C8orf89: variants seen among roughly 807,000 people sequenced by gnomAD.
C8orf89 encodes the protein putative uncharacterized protein C8orf89.
C8orf89 carries 14 observed loss-of-function variants against 15.8 expected under a neutral mutation model. That is an observed-to-expected ratio of 0.89 (90% CI 0.59 to 1.39). The LOEUF (loss-of-function observed/expected upper bound fraction) is 1.39, where lower values mean the gene tolerates loss of function less well. Ranked by LOEUF, C8orf89 falls within the 40% of genes most tolerant of loss-of-function variation. The pLI is 0.00. For missense variants in C8orf89, 181 were observed against 184.5 expected (o/e 0.98, Z 0.11); for synonymous variants, 55 against 62.2 (o/e 0.88, Z 0.54).
chr8:73,259,286 C>T (rs746140069), intron 1 of C8orf89, 46 bp downstream of exon 1: 23 of 1,237,614 alleles, frequency 1.9e-5, no homozygotes, highest in Middle Eastern at 2.5e-4. Flanking sequence ...AAATTCAAGG[C>T]ACTATTTCTA....
chr8:73,258,869 G>A (rs140966072), intron 1 of C8orf89, among the ~76,000 whole-genome samples: 19 of 152,134 alleles, frequency 1.2e-4, no homozygotes, highest in African/African-American at 4.3e-4. Context: ...GGGCTCAAGC[G>A]ATCCACCTGC....
chr8:73,263,885 T>TA, upstream of C8orf89, among the ~76,000 whole-genome samples: 1 of 152,338 alleles, frequency 6.6e-6, no homozygotes, highest in Non-Finnish European at 1.5e-5. Context: ...CCATTGTTCC[T>TA]AGGGGGACTT....
intron 3 of C8orf89, among the ~76,000 whole-genome samples, chr8:73,246,767 A>G (rs1481067197): frequency 6.6e-6 from 1 of 152,180 alleles, no homozygotes; most frequent in Non-Finnish European, 1.5e-5. Context: ...AAATTAAGAG[A>G]GAGAAAACAT....
the C8orf89 span, among the ~76,000 whole-genome samples, chr8:73,271,235 G>A: frequency 6.6e-6 from 1 of 152,216 alleles, no homozygotes; most frequent in African/African-American, 2.4e-5. Context: ...AATATGGTTT[G>A]TTTCCTCCCC....
the C8orf89 span, among the ~76,000 whole-genome samples, chr8:73,274,804 T>G: frequency 6.6e-6 from 1 of 152,340 alleles, no homozygotes; most frequent in Non-Finnish European, 1.5e-5. Context: ...ACACATATCT[T>G]CTGCAACTTT....
the C8orf89 span, among the ~76,000 whole-genome samples, chr8:73,272,658 A>T: frequency 2.0e-5 from 3 of 151,720 alleles, no homozygotes; most frequent in Non-Finnish European, 2.9e-5. Flanking sequence ...CCTGTGTCCA[A>T]GTGTTCTCAT....
chr8:73,243,255 G>C (rs1311286612), intron 3 of C8orf89, among the ~76,000 whole-genome samples: 3 of 151,942 alleles, frequency 2.0e-5, no homozygotes, highest in Non-Finnish European at 4.4e-5. Context: ...AGCACAACAG[G>C]GCAATTATAG....
At position 73,247,191 on chromosome 8, in the gene C8orf89, C is replaced by T. The variant is rs114656989; in HGVS notation, c.337+3077G>A. ...TATTTTTCCTGATCCTTTCCCACCT[C>T]CCACCCTCCACACCCTCCTGCATTA... On this transcript the variant is annotated intron_variant, in intron 3 of 3. Transcript: ENST00000624510. 6.2e-3 allele frequency among the ~76,000 whole-genome samples: 937 copies of T among 150,330 alleles called. 9 individuals carry two copies. The highest frequency in any genetic ancestry group is 0.022 in the African/African-American group (903 of 41,188).
At chr8:73,272,464 T>A in the C8orf89 span, among the ~76,000 whole-genome samples, 2 of 151,972 alleles carry the variant, frequency 1.3e-5, no homozygotes, top group South Asian at 4.2e-4. Context: ...ATATATATAT[T>A]TTTATTATAC....
At position 73,251,604 on chromosome 8, in the gene C8orf89, T is replaced by A. The variant is rs539222754; in HGVS notation, c.282-1281A>T. 1.4e-4 allele frequency among the ~76,000 whole-genome samples: 21 copies of A among 152,258 alleles called. No individual in the cohort carries two copies. The South Asian group carries it at 4.1e-3, about 30-fold the overall frequency. ...TTCATTGACCTAAGTAAATTCACACTCAAATCAATGTAAAATGTTTAGAAA... is the reference window on the plus strand; with the variant it reads ...TTCATTGACCTAAGTAAATTCACACACAAATCAATGTAAAATGTTTAGAAA... On this transcript the variant is annotated intron_variant, in intron 2 of 3. Coordinates refer to ENST00000624510, the MANE Select transcript of C8orf89 (RefSeq NM_001243237.3).
intron 3 of C8orf89, among the ~76,000 whole-genome samples, chr8:73,247,547 A>C (rs1413956631): frequency 6.6e-6 from 1 of 152,234 alleles, no homozygotes; most frequent in Non-Finnish European, 1.5e-5. Context: ...GAACTAATTT[A>C]CATTCCCACC....
chr8:73,260,992 T>C (rs1169808410), upstream of C8orf89, among the ~76,000 whole-genome samples: 1 of 152,142 alleles, frequency 6.6e-6, no homozygotes, highest in Admixed American at 6.5e-5. Context: ...TGCTGGATGC[T>C]TCCTGCCCTC....
chr8:73,254,678 C>A (rs1813329868), intron 2 of C8orf89, among the ~76,000 whole-genome samples: 1 of 152,126 alleles, frequency 6.6e-6, no homozygotes, highest in Non-Finnish European at 1.5e-5. Context: ...GGCCCTCCCA[C>A]CCCTAGGCCA....
At chr8:73,254,545 G>A (rs1401390289) in intron 2 of C8orf89, among the ~76,000 whole-genome samples, 1 of 152,140 alleles carries the variant, frequency 6.6e-6, no homozygotes, top group Non-Finnish European at 1.5e-5. Flanking sequence ...TGGCAAGAAG[G>A]AAGCTGCTAA....
chr8:73,275,553 A>T, the C8orf89 span, among the ~76,000 whole-genome samples: 2 of 151,964 alleles, frequency 1.3e-5, no homozygotes, highest in Non-Finnish European at 2.9e-5. Flanking sequence ...AGCTATTTTA[A>T]TTTTTGCTAA....
intron 3 of C8orf89, among the ~76,000 whole-genome samples, chr8:73,242,653 C>G (rs1016335221): frequency 1.8e-4 from 28 of 152,130 alleles, no homozygotes; most frequent in African/African-American, 6.8e-4. Context: ...CAGTAAATAA[C>G]ACATGCTGGC....
Position 73,250,042 on chromosome 8 carries a change from T to G in C8orf89, c.337+226A>C, listed in dbSNP as rs188177954. 3.7e-4 allele frequency among the ~76,000 whole-genome samples: 57 copies of G among 152,278 alleles called. 1 individual carries two copies. The highest frequency in any genetic ancestry group is 1.4e-3 in the African/African-American group (57 of 41,568). ...AGAAGACCAGTTTGCAGGCACTAAA[T>G]GGCCCAAGTGAGATATGATGAGGGC... On this transcript the variant is annotated intron_variant, in intron 3 of 3. Coordinates refer to ENST00000624510, the MANE Select transcript of C8orf89 (RefSeq NM_001243237.3).
At chr8:73,256,716 G>A (rs574173288) in intron 2 of C8orf89, among the ~76,000 whole-genome samples, 7 of 104,436 alleles carry the variant, frequency 6.7e-5, no homozygotes, top group Admixed American at 6.7e-4. Flanking sequence ...AAAACAGCGA[G>A]ACTCTGTCTC....
chr8:73,241,540 C>A lies in C8orf89; in HGVS notation c.403G>T (p.Ala135Ser), dbSNP rs1470900116. Residue 135 changes from alanine (A) to serine (S), a missense_variant, in exon 4 of 4, where the codon GCC becomes TCC. Coordinates refer to ENST00000624510, the MANE Select transcript of C8orf89 (RefSeq NM_001243237.3). ...CGAATGGTATCATATTCCAATATGG[C>A]TATTTTGGAAAGTCTCTCTAAGTAT... ...SQYLERLSKI[A>S]ILEYDTIRQE... is the part of the protein sequence containing the mutation. 29 of 1,532,870 alleles carry A rather than the reference C, an allele frequency of 1.9e-5. No individual in the cohort carries two copies. Among genetic ancestry groups the A allele is most frequent in the East Asian group, 2.4e-5 (1 of 40,860 alleles). 95.0% of individuals were successfully genotyped at this position (1,532,870 alleles called of 1,614,324 possible).
Sources: gnomAD v4.1 joint callset for allele counts (sites outside exome capture counted in the v4.1 genomes callset) on GRCh38, gnomAD v4.1.1 for gene constraint, MANE v1.5 for transcripts, NCBI Gene and HGNC (gene_info 2026-07-23, HGNC 2026-07-21) for gene names.